The following EFR3B variants were observed in gnomAD, a reference collection of about 807,000 sequenced individuals.
The protein encoded by EFR3B is protein EFR3 homolog B.
A neutral mutation model predicts 104.7 loss-of-function variants in EFR3B; 64 were observed. The ratio of observed to expected loss-of-function variants is 0.61; its 90% confidence interval spans 0.50 to 0.75. The LOEUF (loss-of-function observed/expected upper bound fraction) is 0.75. Ranked by LOEUF, EFR3B falls within the 30% of genes least tolerant of loss-of-function variation. EFR3B has a pLI of 0.00. For missense variants in EFR3B, 750 were observed against 1,078.5 expected, an observed-to-expected ratio of 0.70 and a Z score of 4.27; for synonymous variants, 385 against 417.9, an observed-to-expected ratio of 0.92 and a Z score of 0.96.
chr2:25,126,150 T>C (rs968495842), intron 5 of EFR3B, among the ~76,000 whole-genome samples: 7 of 151,912 alleles, frequency 4.6e-5, no homozygotes, highest in African/African-American at 1.5e-4. Flanking sequence ...GGGCAGGGGG[T>C]GGGGGCAGTT....
At chr2:25,058,936 A>G (rs1006297212) in intron 1 of EFR3B, among the ~76,000 whole-genome samples, 2 of 152,126 alleles carry the variant, frequency 1.3e-5, no homozygotes, top group Non-Finnish European at 2.9e-5. Flanking sequence ...TAGCAATCCC[A>G]CTAATAGACA....
chr2:25,109,961 C>T (rs767218707), intron 4 of EFR3B, among the ~76,000 whole-genome samples: 35 of 152,274 alleles, frequency 2.3e-4, no homozygotes, highest in Admixed American at 1.0e-3. Flanking sequence ...CAAGCCCACT[C>T]GGAGGCTGGT....
At chr2:25,153,424 T>C (rs1040729814) in intron 21 of EFR3B, among the ~76,000 whole-genome samples, 9 of 152,098 alleles carry the variant, frequency 5.9e-5, no homozygotes, top group African/African-American at 2.2e-4. Context: ...CAGCCCCTAC[T>C]GCCCCATCTT....
chr2:25,123,078 A>G (rs1319601071), intron 5 of EFR3B, among the ~76,000 whole-genome samples: 1 of 152,140 alleles, frequency 6.6e-6, no homozygotes, highest in Non-Finnish European at 1.5e-5. Flanking sequence ...TCACAGAGAA[A>G]TTGACCAGGT....
rs1293228052 is a variant in EFR3B, at chr2:25,131,672, C to T, written c.986-78C>T. ...GCCCAGGCTGGAAGGGGGCGTGACC[C>T]TGCCCTGCCTGCGCGCGGTGCACAG... is the stretch of plus-strand genomic sequence containing the variant. On this transcript the variant is annotated intron_variant, in intron 9 of 22. Coordinates refer to ENST00000403714, the MANE Select transcript of EFR3B (RefSeq NM_014971.2). This position sits in a 1 kb window ranked among gnomAD's most constrained non-coding sequence, Gnocchi z 7.6. 2 of 1,479,796 alleles carry T rather than the reference C, an allele frequency of 1.4e-6. No homozygotes were observed. Among genetic ancestry groups the T allele is most frequent in the African/African-American group, 2.8e-5 (2 of 71,120 alleles). 91.7% of individuals were successfully genotyped at this position (1,479,796 alleles called of 1,614,324 possible). A position where few individuals can be genotyped will look rare whatever the true frequency, so the allele number is the denominator to read the frequency against.
chr2:25,092,024 G>A (rs1390422474), intron 2 of EFR3B, among the ~76,000 whole-genome samples: 1 of 151,892 alleles, frequency 6.6e-6, no homozygotes, highest in African/African-American at 2.4e-5. Context: ...AGCTGCCTTC[G>A]TCCTGTGTGT....
Position 25,103,668 on chromosome 2 carries a change from C to A in EFR3B, c.244C>A (p.Gln82Lys), listed in dbSNP as rs1669483877. 6.4e-7 allele frequency: 1 copy of A among 1,551,500 alleles called. No individual in the cohort carries two copies. Among genetic ancestry groups the A allele is most frequent in the Admixed American group, 2.0e-5 (1 of 50,978 alleles). ...YVCIAMEALD[Q>K]LLMACHCQSI... ...GTGCATTGCTATGGAGGCTTTGGACCAGCTGCTCATGGCCTGCCACTGCCA... is the reference window on the plus strand; with the variant it reads ...GTGCATTGCTATGGAGGCTTTGGACAAGCTGCTCATGGCCTGCCACTGCCA... The change falls in exon 4 of 23, where the codon CAG becomes AAG. Residue 82 changes from glutamine (Q) to lysine (K), a missense_variant. Gln to Lys is a moderately conservative substitution (Grantham distance 53). Coordinates refer to ENST00000403714, the MANE Select transcript of EFR3B (RefSeq NM_014971.2).
In EFR3B at chr2:25,135,569, C is replaced by T. The variant is rs1469558330; in HGVS notation, c.1414C>T (p.Leu472Phe). ...TALMEDAEIR[L>F]FVLEILISFI... ...CCTCATGGAGGATGCAGAAATTCGA[C>T]TCTTTGTTCTAGAGATTCTCATCAG... Residue 472 changes from leucine (L) to phenylalanine (F), a missense_variant, in exon 13 of 23, where the codon CTC (leucine) becomes TTC (phenylalanine). Transcript: ENST00000403714. 20 of 1,551,940 alleles carry T rather than the reference C, an allele frequency of 1.3e-5. No homozygotes were observed. The highest frequency in any genetic ancestry group is 1.7e-5 in the Non-Finnish European group (20 of 1,147,076).
Position 25,093,138 on chromosome 2 carries a change from GTT to G in EFR3B, c.212+10_212+11del, listed in dbSNP as rs1669179310. The G allele has an allele frequency of 1.3e-6, 2 of 1,551,512 alleles. No individual in the cohort carries two copies. The highest frequency in any genetic ancestry group is 1.7e-6 in the Non-Finnish European group (2 of 1,146,948). On this transcript the variant is annotated intron_variant, in intron 3 of 22. Coordinates refer to ENST00000403714, the MANE Select transcript of EFR3B (RefSeq NM_014971.2). Reference sequence around the variant, plus strand: ...GGGTCGCCATCGATATGGGTAAGTAGTTTGGAAGAGAGGGAGAGAGATTGTCA... The same window carrying G: ...GGGTCGCCATCGATATGGGTAAGTAGTGGAAGAGAGGGAGAGAGATTGTCA...
At position 25,129,975 on chromosome 2, in the gene EFR3B, C is replaced by A; in HGVS notation, c.636C>A (p.Ser212Arg). The A allele has an allele frequency of 6.4e-7, 1 of 1,551,452 alleles. No individual in the cohort carries two copies. Among genetic ancestry groups the A allele is most frequent in the East Asian group, 2.4e-5 (1 of 40,920 alleles). Residue 212 changes from serine to arginine, a missense_variant and splice_region_variant, in exon 7 of 23, where the codon AGC (serine) becomes AGA (arginine). Transcript: ENST00000403714. ...FNLQHVEEAE[S>R]RSPSPLQAPE... Reference sequence around the variant, plus strand: ...TACCCATGTGCCTCTGTCTCCCCAGCCGGTCTCCCTCACCCCTCCAAGCAC... The same window carrying A: ...TACCCATGTGCCTCTGTCTCCCCAGACGGTCTCCCTCACCCCTCCAAGCAC...
rs1317159749 is a variant in EFR3B at position 25,135,699 on chromosome 2, C to T, written c.1484+60C>T. 7.2e-6 allele frequency: 11 copies of T among 1,533,338 alleles called. No individual in the cohort carries two copies. In the African/African-American group the frequency reaches 1.5e-4, roughly 21 times the overall value. The allele number at this position is 1,533,338 out of a possible 1,614,324, so 95.0% of individuals were successfully genotyped here. On this transcript the variant is annotated intron_variant, in intron 13 of 22. Coordinates refer to ENST00000403714, the MANE Select transcript of EFR3B (RefSeq NM_014971.2). ...ATGGGGAGAGGACTCTCCATTAGGTCCTATCCTTTGGTCCTGTCCTCACAC... is the reference window on the plus strand; with the variant it reads ...ATGGGGAGAGGACTCTCCATTAGGTTCTATCCTTTGGTCCTGTCCTCACAC...
chr2:25,054,764 C>T (rs1000867955), intron 1 of EFR3B, among the ~76,000 whole-genome samples: 12 of 152,112 alleles, frequency 7.9e-5, no homozygotes, highest in African/African-American at 2.4e-4. Context: ...AGAAACAGGG[C>T]TCCTGCAATA....
chr2:25,154,144 A>G lies in EFR3B; in HGVS notation c.2349-91A>G. On this transcript the variant is annotated intron_variant, in intron 22 of 22. Transcript: ENST00000403714. The surrounding 1 kb of genome is among the most constrained non-coding windows in gnomAD (Gnocchi z 4.1). ...GTCTCTGGTGCCTGTGCAAAAAGAA[A>G]CCCAAGTCACCTACTCTGTTTGGTT... The G allele has an allele frequency of 2.5e-6, 3 of 1,204,720 alleles. No homozygotes were observed. The highest frequency in any genetic ancestry group is 1.9e-4 in the Middle Eastern group (1 of 5,188). The allele number at this position is 1,204,720 out of a possible 1,614,324, so 74.6% of individuals were successfully genotyped here.
chr2:25,097,123 T>TA (rs1046811507), intron 3 of EFR3B, among the ~76,000 whole-genome samples: 6 of 152,262 alleles, frequency 3.9e-5, no homozygotes, highest in African/African-American at 1.4e-4. Flanking sequence ...GTTCTCTCAG[T>TA]AAAAAAATGT....
At chr2:25,097,410 T>G (rs1669309408) in intron 3 of EFR3B, among the ~76,000 whole-genome samples, 1 of 152,180 alleles carries the variant, frequency 6.6e-6, no homozygotes, top group South Asian at 2.1e-4. Flanking sequence ...AGTAAAATAT[T>G]CTCATGCAGA....
intron 1 of EFR3B, among the ~76,000 whole-genome samples, chr2:25,059,405 A>G (rs1668117312): frequency 6.6e-6 from 1 of 152,140 alleles, no homozygotes; most frequent in African/African-American, 2.4e-5. Context: ...TTAAAAAAGA[A>G]GAAAATCTTG....
intron 1 of EFR3B, among the ~76,000 whole-genome samples, chr2:25,046,852 C>T (rs1667735724): frequency 1.3e-5 from 2 of 152,162 alleles, no homozygotes; most frequent in African/African-American, 4.8e-5. Flanking sequence ...CCCTGCTCCT[C>T]CTCAGGGCGA....
chr2:25,081,122 TTTTCGCTTCAGTGC>T (rs1668791302), intron 1 of EFR3B: 1 of 691,370 alleles, frequency 1.4e-6, no homozygotes, highest in South Asian at 1.6e-5. Context: ...CCCTAGGGTA[TTTTCGCTTCAGTGC>T]TTGATTGCAT....
intron 4 of EFR3B, among the ~76,000 whole-genome samples, chr2:25,107,878 C>T (rs1195300342): frequency 6.6e-6 from 1 of 151,288 alleles, no homozygotes; most frequent in Non-Finnish European, 1.5e-5. Flanking sequence ...GGGTCTCCCT[C>T]TGTTGCCCAG....
Sources: gnomAD v4.1 joint callset for allele counts (sites outside exome capture counted in the v4.1 genomes callset) on GRCh38, gnomAD v4.1.1 for gene constraint, Gnocchi (gnomAD v3.1) non-coding constraint, MANE v1.5 for transcripts, NCBI Gene and HGNC (gene_info 2026-07-23, HGNC 2026-07-21) for gene names.